TMEM38B: variants seen among roughly 807,000 people sequenced by gnomAD.
TMEM38B encodes trimeric intracellular cation channel type B.
TMEM38B carries 24 observed loss-of-function variants against 28.7 expected under a neutral mutation model. The ratio of observed to expected loss-of-function variants is 0.84; its 90% CI spans 0.61 to 1.18. The LOEUF is 1.18. Ranked by LOEUF, TMEM38B falls within the 50% of genes most tolerant of loss-of-function variation. The probability of loss-of-function intolerance (pLI) is 0.00; values close to 1 mark genes in which losing one functional copy is unlikely to be tolerated. For missense variants in TMEM38B, 380 were observed against 350.9 expected (o/e 1.08, Z -0.66); for synonymous variants, 131 against 127.7 (o/e 1.03, Z -0.17).
At chr9:105,762,784 G>C (rs972370707) in intron 5 of TMEM38B, among the ~76,000 whole-genome samples, 6 of 149,624 alleles carry the variant, frequency 4.0e-5, no homozygotes, top group South Asian at 4.3e-4. Context: ...GTAATGGGAT[G>C]GCTGGGTCAA....
intron 5 of TMEM38B, among the ~76,000 whole-genome samples, chr9:105,748,600 A>G (rs141052284): frequency 6.6e-6 from 1 of 152,306 alleles, no homozygotes; most frequent in East Asian, 1.9e-4. Flanking sequence ...CTTTTCTATT[A>G]CTATTGCCTG....
chr9:105,752,294 C>A (rs1399853001), intron 5 of TMEM38B, among the ~76,000 whole-genome samples: 1 of 152,116 alleles, frequency 6.6e-6, no homozygotes, highest in African/African-American at 2.4e-5. Flanking sequence ...AAGGTCTCCC[C>A]CAGTGCAGCA....
At chr9:105,731,293 T>C (rs1328811620) in intron 4 of TMEM38B, among the ~76,000 whole-genome samples, 1 of 141,360 alleles carries the variant, frequency 7.1e-6, no homozygotes, top group Non-Finnish European at 1.5e-5. Flanking sequence ...TCAAAGAACA[T>C]CTTTATTATT....
chr9:105,705,697 G>A lies in TMEM38B; in HGVS notation c.213G>A (p.Glu71=). 4 of 1,613,958 alleles carry A rather than the reference G, an allele frequency of 2.5e-6. No individual in the cohort carries two copies. The highest frequency in any genetic ancestry group is 1.1e-5 in the South Asian group (1 of 91,072). ...GGILSCLLLA[E]PPLKFLANHT... ...TTTTATCCTGTCTACTGCTTGCAGA[G>A]CCTCCATTGAAGTTTCTTGCAAACC... Residue 71 remains glutamate (E), a synonymous_variant, in exon 2 of 6, where the codon GAG becomes GAA. Coordinates refer to ENST00000374692, the MANE Select transcript of TMEM38B (RefSeq NM_018112.3).
At chr9:105,712,268 T>C (rs1835934330) in intron 2 of TMEM38B, among the ~76,000 whole-genome samples, 1 of 152,220 alleles carries the variant, frequency 6.6e-6, no homozygotes, top group South Asian at 2.1e-4. Context: ...CTGACTTTTA[T>C]GGTAATCACT....
chr9:105,697,944 G>A (rs892778370), intron 1 of TMEM38B, among the ~76,000 whole-genome samples: 4 of 152,024 alleles, frequency 2.6e-5, no homozygotes, highest in Non-Finnish European at 5.9e-5. Context: ...TTGTATAGAT[G>A]TTCCTTTGCA....
chr9:105,737,090 G>C (rs367799288), intron 4 of TMEM38B, among the ~76,000 whole-genome samples: 3 of 152,226 alleles, frequency 2.0e-5, no homozygotes, highest in Admixed American at 1.3e-4. Flanking sequence ...TGCAGGGTGC[G>C]TGCTTGGATT....
At chr9:105,710,526 A>T in intron 2 of TMEM38B, 1 of 1,153,902 alleles carries the variant, frequency 8.7e-7, no homozygotes, top group East Asian at 2.4e-5. Context: ...CCCTGGGCAA[A>T]CTGTATTTCA....
intron 2 of TMEM38B, among the ~76,000 whole-genome samples, chr9:105,708,484 A>T (rs2133557491): frequency 6.6e-6 from 1 of 152,316 alleles, no homozygotes; most frequent in African/African-American, 2.4e-5. Context: ...CATGTCACTC[A>T]TGTGCTCAGT....
intron 2 of TMEM38B, among the ~76,000 whole-genome samples, chr9:105,716,374 TTG>T (rs139155061): frequency 1.3e-5 from 2 of 150,586 alleles, no homozygotes; most frequent in Non-Finnish European, 1.5e-5. Context: ...GTTGTAGCAT[TTG>T]TGTGTGTGTG....
intron 5 of TMEM38B, among the ~76,000 whole-genome samples, chr9:105,763,739 G>A (rs547024472): frequency 6.6e-6 from 1 of 152,280 alleles, no homozygotes; most frequent in Non-Finnish European, 1.5e-5. Context: ...TATGAGGCCA[G>A]CATCATCCTG....
At chr9:105,720,615 A>G (rs9969715) in intron 2 of TMEM38B, among the ~76,000 whole-genome samples, 30,833 of 152,010 alleles carry the variant, frequency 0.2, 4,719 homozygotes, top group East Asian at 0.46. Flanking sequence ...CAAACATTTC[A>G]TATTTCATGA....
intron 5 of TMEM38B, among the ~76,000 whole-genome samples, chr9:105,765,713 T>C (rs1278123984): frequency 6.6e-6 from 1 of 152,220 alleles, no homozygotes; most frequent in Non-Finnish European, 1.5e-5. Flanking sequence ...ATTTCCAGCT[T>C]TTGATTATTT....
At chr9:105,740,495 G>A (rs1419082738) in intron 4 of TMEM38B, among the ~76,000 whole-genome samples, 1 of 151,952 alleles carries the variant, frequency 6.6e-6, no homozygotes, top group Non-Finnish European at 1.5e-5. Flanking sequence ...TTGAACTCGT[G>A]AGGTCAAGCG....
At chr9:105,708,006 A>G (rs529463267) in intron 2 of TMEM38B, among the ~76,000 whole-genome samples, 28 of 151,644 alleles carry the variant, frequency 1.8e-4, no homozygotes, top group Non-Finnish European at 4.0e-4. Context: ...AGAATTTGAT[A>G]CTTTCTGTTA....
chr9:105,694,822 G>T (rs1404364282), intron 1 of TMEM38B, 50 bp downstream of exon 1: 7 of 835,398 alleles, frequency 8.4e-6, no homozygotes, highest in African/African-American at 7.3e-5. Flanking sequence ...TCCTGACGGC[G>T]AGGACCGTCT....
At chr9:105,746,368 GCTCT>G (rs1426435905) in intron 4 of TMEM38B, among the ~76,000 whole-genome samples, 17 of 152,022 alleles carry the variant, frequency 1.1e-4, no homozygotes, top group South Asian at 1.0e-3. Context: ...TCATGATTTG[GCTCT>G]CTATTTGTCT....
rs148693240 is a variant in TMEM38B, at chr9:105,710,708, C to T, written c.269+4955C>T. On this transcript the variant is annotated intron_variant, in intron 2 of 5. Coordinates refer to ENST00000374692, the MANE Select transcript of TMEM38B (RefSeq NM_018112.3). ...TAACGACCAAATTCACACCGTAAAT[C>T]TTCAGACCTGGTGTCGTTGGCTATG... is the stretch of plus-strand genomic sequence containing the variant. 463 of 655,844 alleles carry T rather than the reference C, an allele frequency of 7.1e-4. 2 individuals carry two copies. In the African/African-American group the frequency reaches 7.7e-3, roughly 11 times the overall value. 40.6% of individuals were successfully genotyped at this position (655,844 alleles called of 1,614,324 possible). A position where few individuals can be genotyped will look rare whatever the true frequency, so the allele number is the denominator to read the frequency against.
intron 1 of TMEM38B, 52 bp downstream of exon 1, chr9:105,694,824 G>A: frequency 1.6e-6 from 1 of 622,892 alleles, no homozygotes; most frequent in Non-Finnish European, 2.6e-6. Flanking sequence ...CTGACGGCGA[G>A]GACCGTCTAA....
Sources: gnomAD v4.1 joint callset for allele counts (sites outside exome capture counted in the v4.1 genomes callset) on GRCh38, gnomAD v4.1.1 for gene constraint, MANE v1.5 for transcripts, NCBI Gene and HGNC (gene_info 2026-07-23, HGNC 2026-07-21) for gene names.